DLG2: variants seen among roughly 807,000 people sequenced by gnomAD.
DLG2 encodes disks large homolog 2.
In DLG2, 45 loss-of-function variants were observed where a neutral mutation model predicts 132.5. The observed-to-expected ratio is 0.34, with a 90% CI of 0.27 to 0.44. The LOEUF is 0.44. Among genes scored for constraint, DLG2 ranks in the 20% least tolerant of loss-of-function variants. DLG2 has a pLI of 1.00. For missense variants in DLG2, 1,045 were observed against 1,196.9 expected, an observed-to-expected ratio of 0.87 and a Z score of 1.87; for synonymous variants, 424 against 419.6, an observed-to-expected ratio of 1.01 and a Z score of -0.13.
intron 18 of DLG2, among the ~76,000 whole-genome samples, chr11:83,686,254 G>A (rs751135757): frequency 3.9e-5 from 6 of 152,068 alleles, no homozygotes; most frequent in Non-Finnish European, 7.4e-5. Flanking sequence ...AATTCCATCT[G>A]CTCAAGTGTC....
intron 3 of DLG2, among the ~76,000 whole-genome samples, chr11:85,311,005 T>C (rs890591090): frequency 7.9e-5 from 12 of 152,220 alleles, no homozygotes; most frequent in Admixed American, 7.9e-4. Context: ...TAGCAAACTA[T>C]AGTCCATAGA....
At chr11:85,274,461 G>T (rs1032592572) in intron 4 of DLG2, among the ~76,000 whole-genome samples, 1 of 152,152 alleles carries the variant, frequency 6.6e-6, no homozygotes, top group East Asian at 1.9e-4. Context: ...CCAACTTAGT[G>T]TTTGAATAAA....
chr11:85,498,412 G>A (rs1291114715), intron 3 of DLG2, among the ~76,000 whole-genome samples: 1 of 152,150 alleles, frequency 6.6e-6, no homozygotes, highest in Non-Finnish European at 1.5e-5. Context: ...CAATACAGGA[G>A]CACCCAGATT....
At chr11:83,714,159 TAAAGTA>T (rs2086146453) in intron 18 of DLG2, among the ~76,000 whole-genome samples, 1 of 150,984 alleles carries the variant, frequency 6.6e-6, no homozygotes, top group Admixed American at 6.7e-5. Flanking sequence ...CAAATGTAAC[TAAAGTA>T]AAACTTTAAA....
chr11:84,362,888 T>C (rs1271976358), intron 7 of DLG2, among the ~76,000 whole-genome samples: 3 of 152,186 alleles, frequency 2.0e-5, no homozygotes, highest in Non-Finnish European at 4.4e-5. Context: ...ATGTGCCATA[T>C]TTTCTTAATC....
chr11:83,704,499 C>T (rs2083516865), intron 18 of DLG2, among the ~76,000 whole-genome samples: 1 of 151,494 alleles, frequency 6.6e-6, no homozygotes, highest in Non-Finnish European at 1.5e-5. Flanking sequence ...AAAATAGTTT[C>T]TGGTTTTTTC....
At chr11:83,833,824 G>T in intron 16 of DLG2, 54 bp from the exon 17 acceptor site, 1 of 1,566,358 alleles carries the variant, frequency 6.4e-7, no homozygotes, top group East Asian at 2.3e-5. Flanking sequence ...TAAGATTTAC[G>T]TTGCTTTTAC....
At chr11:85,470,659 C>A (rs369564703) in intron 3 of DLG2, among the ~76,000 whole-genome samples, 1 of 152,152 alleles carries the variant, frequency 6.6e-6, no homozygotes, top group African/African-American at 2.4e-5. Context: ...ACCTGGGAAA[C>A]GGAAGTTGCA....
chr11:84,483,554 T>C (rs1412012236), intron 7 of DLG2, among the ~76,000 whole-genome samples: 1 of 151,850 alleles, frequency 6.6e-6, no homozygotes, highest in Non-Finnish European at 1.5e-5. Context: ...ATACAATTAA[T>C]AGCATAAAAA....
chr11:83,945,343 T>A (rs975645684), intron 14 of DLG2, among the ~76,000 whole-genome samples: 8 of 152,178 alleles, frequency 5.3e-5, no homozygotes, highest in Non-Finnish European at 1.2e-4. Flanking sequence ...AGTTTTGAGC[T>A]TCCTGTTTTT....
At chr11:85,366,890 T>C (rs1384118784) in intron 3 of DLG2, among the ~76,000 whole-genome samples, 1 of 152,160 alleles carries the variant, frequency 6.6e-6, no homozygotes, top group Non-Finnish European at 1.5e-5. Flanking sequence ...TTATTAACTA[T>C]ATTTTTGTGA....
At chr11:84,486,929 TA>T in intron 7 of DLG2, among the ~76,000 whole-genome samples, 1 of 152,196 alleles carries the variant, frequency 6.6e-6, no homozygotes, top group South Asian at 2.1e-4. Context: ...TAAGACATTC[TA>T]GAAGGAGGAT....
chr11:84,156,166 A>C (rs913897915), intron 9 of DLG2, among the ~76,000 whole-genome samples: 1 of 152,090 alleles, frequency 6.6e-6, no homozygotes, highest in African/African-American at 2.4e-5. Flanking sequence ...TAATTCCACA[A>C]ATTCCTTTTA....
At chr11:85,432,237 T>G (rs908142507) in intron 3 of DLG2, among the ~76,000 whole-genome samples, 1 of 152,126 alleles carries the variant, frequency 6.6e-6, no homozygotes, top group African/African-American at 2.4e-5. Flanking sequence ...GAAGAAACAT[T>G]GAAAACCCAA....
At chr11:85,123,632 G>A (rs1043317853) in intron 5 of DLG2, among the ~76,000 whole-genome samples, 3 of 152,098 alleles carry the variant, frequency 2.0e-5, no homozygotes, top group East Asian at 3.9e-4. Context: ...AACATTTTCC[G>A]GGAACTTTCG....
intron 6 of DLG2, among the ~76,000 whole-genome samples, chr11:84,665,900 G>C (rs1565602873): frequency 2.6e-5 from 4 of 152,134 alleles, no homozygotes; most frequent in Admixed American, 6.6e-5. Context: ...TGTGGGAATA[G>C]GTAAGCATTC....
intron 3 of DLG2, among the ~76,000 whole-genome samples, chr11:85,439,907 T>A (rs1051998867): frequency 6.6e-6 from 1 of 152,162 alleles, no homozygotes; most frequent in Non-Finnish European, 1.5e-5. Context: ...TATAGATTAG[T>A]GCCATTTTTG....
chr11:83,942,649 A>G (rs1465410482), intron 14 of DLG2, among the ~76,000 whole-genome samples: 1 of 152,228 alleles, frequency 6.6e-6, no homozygotes, highest in African/African-American at 2.4e-5. Flanking sequence ...AATATGGAAA[A>G]GTTACCAACA....
At chr11:83,509,241 T>A (rs2094887735) in intron 21 of DLG2, among the ~76,000 whole-genome samples, 1 of 152,240 alleles carries the variant, frequency 6.6e-6, no homozygotes, top group Admixed American at 6.5e-5. Context: ...ACTGGCCATC[T>A]GACCTTGGAC....
Sources: allele counts gnomAD v4.1 joint callset (sites outside exome capture counted in the v4.1 genomes callset), GRCh38; gene constraint gnomAD v4.1.1; transcripts MANE v1.5; gene names NCBI Gene and HGNC (gene_info 2026-07-23, HGNC 2026-07-21).